The following ASB15 variants were observed in gnomAD, a reference collection of about 807,000 sequenced individuals.
ASB15 encodes the protein ankyrin repeat and SOCS box protein 15.
ASB15 carries 54 observed loss-of-function variants against 58.0 expected under a neutral mutation model. The observed-to-expected ratio is 0.93, with a 90% CI of 0.75 to 1.17. ASB15 has a LOEUF of 1.17. Among genes scored for constraint, ASB15 ranks in the 50% most tolerant of loss-of-function variants. The pLI is 0.00. For missense variants in ASB15, 680 were observed against 707.4 expected, an observed-to-expected ratio of 0.96 and a Z score of 0.44; for synonymous variants, 249 against 262.4, an observed-to-expected ratio of 0.95 and a Z score of 0.50.
In ASB15 at chr7:123,616,351, G is replaced by C. The variant is rs762359482; in HGVS notation, c.161-13G>C. ...AAACAGAGATTAGTCATCAGTCCAT[G>C]TGTTTAATTTAGGTCACATTCCTGA... On this transcript the variant is annotated splice_polypyrimidine_tract_variant and intron_variant, in intron 5 of 11. Coordinates refer to ENST00000451215, the MANE Select transcript of ASB15 (RefSeq NM_001290258.2). The C allele has an allele frequency of 7.5e-6, 12 of 1,610,300 alleles. No homozygotes were observed. The South Asian group carries it at 1.2e-4, about 16-fold the overall frequency.
chr7:123,636,480 A>G (rs1203684912), intron 11 of ASB15, among the ~76,000 whole-genome samples: 1 of 152,166 alleles, frequency 6.6e-6, no homozygotes, highest in African/African-American at 2.4e-5. Flanking sequence ...TATAATACTT[A>G]GCTCTAAAAA....
At chr7:123,586,875 T>A (rs1468203286) in intron 1 of ASB15, among the ~76,000 whole-genome samples, 6 of 151,786 alleles carry the variant, frequency 4.0e-5, no homozygotes, top group Non-Finnish European at 7.4e-5. Flanking sequence ...ATGGGTTTAT[T>A]TCTAGGCTCT....
intron 8 of ASB15, 128 bp from the exon 9 acceptor site, chr7:123,626,982 C>A (rs908709959): frequency 2.2e-6 from 2 of 923,698 alleles, no homozygotes; most frequent in Non-Finnish European, 1.6e-6. Context: ...ATGATCCGCC[C>A]GCCTCAGCCT....
intron 4 of ASB15, chr7:123,615,668 T>A (rs1174864322): frequency 6.6e-6 from 1 of 152,464 alleles, no homozygotes; most frequent in Non-Finnish European, 1.5e-5. Flanking sequence ...ATGCCCTGCC[T>A]ATTTTCACTT....
At chr7:123,610,886 T>G (rs1203919079) in intron 3 of ASB15, among the ~76,000 whole-genome samples, 1 of 151,884 alleles carries the variant, frequency 6.6e-6, no homozygotes, top group Non-Finnish European at 1.5e-5. Context: ...CTCATGCCTG[T>G]AATCCTAGCA....
Position 123,629,387 on chromosome 7 carries a change from G to C in ASB15, c.1393G>C (p.Glu465Gln), listed in dbSNP as rs370567182. Residue 465 changes from glutamate to glutamine, a missense_variant, in exon 10 of 12, where the codon GAA becomes CAA. Transcript: ENST00000451215. ...GNSFVWSEIQ[E>Q]EVLPGWTSCV... ...TTCATTTGTGTGGTCAGAGATACAG[G>C]AAGAGGTGCTGCCAGGATGGACATC... The C allele has an allele frequency of 6.2e-7, 1 of 1,613,626 alleles. No homozygotes were observed. The highest frequency in any genetic ancestry group is 1.1e-5 in the South Asian group (1 of 91,040).
At chr7:123,612,147 CT>C (rs1304462509) in intron 3 of ASB15, 2 of 152,196 alleles carry the variant, frequency 1.3e-5, no homozygotes, top group Non-Finnish European at 2.9e-5. Flanking sequence ...ACAATCCCCC[CT>C]ATCACCCCAG....
chr7:123,597,440 A>C (rs993447819), upstream of ASB15, among the ~76,000 whole-genome samples: 2 of 152,186 alleles, frequency 1.3e-5, no homozygotes, highest in African/African-American at 4.8e-5. Flanking sequence ...TATAAATTAA[A>C]CGTTATCATA....
At chr7:123,605,358 G>C (rs1443692989) in intron 2 of ASB15, among the ~76,000 whole-genome samples, 1 of 152,128 alleles carries the variant, frequency 6.6e-6, no homozygotes, top group Admixed American at 6.5e-5. Context: ...TGCTGGCGAG[G>C]TTATGGAGAA....
chr7:123,593,473 C>T (rs952964344), intron 1 of ASB15, among the ~76,000 whole-genome samples: 8 of 152,136 alleles, frequency 5.3e-5, no homozygotes, highest in Non-Finnish European at 1.2e-4. Context: ...CCTGGTGTGA[C>T]AAAATCTCTC....
chr7:123,609,795 G>A (rs79731085), intron 3 of ASB15, among the ~76,000 whole-genome samples: 3 of 152,182 alleles, frequency 2.0e-5, no homozygotes, highest in African/African-American at 7.2e-5. Flanking sequence ...TTACAGGAAG[G>A]CATTAGCTCT....
chr7:123,599,529 G>C (rs1799806202), upstream of ASB15, among the ~76,000 whole-genome samples: 1 of 152,170 alleles, frequency 6.6e-6, no homozygotes, highest in African/African-American at 2.4e-5. Context: ...AATACCTGTG[G>C]GCAAAGTGAG....
rs1181160907 is a variant in ASB15 at position 123,637,510 on chromosome 7, G to C, written c.*529G>C. On this transcript the variant is annotated 3_prime_UTR_variant, in exon 12 of 12. Coordinates refer to ENST00000451215, the MANE Select transcript of ASB15 (RefSeq NM_001290258.2). ...CCTACAGCATCTAACATTGTTGCCT[G>C]TTCCTTGCTTGAAATGATATCTCTT... is the stretch of plus-strand genomic sequence containing the variant. 6.6e-6 allele frequency: 1 copy of C among 152,610 alleles called. No homozygotes were observed. The highest frequency in any genetic ancestry group is 6.5e-5 in the Admixed American group (1 of 15,272). The allele number at this position is 152,610 out of a possible 1,614,324, so 9.5% of individuals were successfully genotyped here.
Position 123,604,099 on chromosome 7 carries a change from A to G in ASB15, c.-177A>G, listed in dbSNP as rs1800018244. On this transcript the variant is annotated 5_prime_UTR_variant, in exon 2 of 12. Coordinates refer to ENST00000451215, the MANE Select transcript of ASB15 (RefSeq NM_001290258.2). ...GAAGAGCAGTTGTCCAGCCTCTGGA[A>G]GAAAAAGCTCAGTGGAGATCTGACA... 6.6e-6 allele frequency: 1 copy of G among 152,382 alleles called. No homozygotes were observed. Among genetic ancestry groups the G allele is most frequent in the Non-Finnish European group, 1.5e-5 (1 of 68,180 alleles). The allele number at this position is 152,382 out of a possible 1,614,324, so 9.4% of individuals were successfully genotyped here. A position where few individuals can be genotyped will look rare whatever the true frequency, so the allele number is the denominator to read the frequency against.
intron 1 of ASB15, among the ~76,000 whole-genome samples, chr7:123,603,425 C>G (rs1425958031): frequency 6.6e-6 from 1 of 152,142 alleles, no homozygotes; most frequent in Non-Finnish European, 1.5e-5. Flanking sequence ...TGTATTACAA[C>G]AAGGTATTTG....
rs1802466612 is a variant in ASB15, at chr7:123,637,048, A to C, written c.*67A>C. 9.2e-7 allele frequency: 1 copy of C among 1,090,806 alleles called. No individual in the cohort carries two copies. The highest frequency in any genetic ancestry group is 2.4e-5 in the Admixed American group (1 of 40,944). 67.6% of individuals were successfully genotyped at this position (1,090,806 alleles called of 1,614,324 possible). A position where few individuals can be genotyped will look rare whatever the true frequency, so the allele number is the denominator to read the frequency against. Reference sequence around the variant, plus strand: ...TGATTCCCTCAGATAATTTCTTGTAACCATTTTACATCCTTAATTGTAAAG... The same window carrying C: ...TGATTCCCTCAGATAATTTCTTGTACCCATTTTACATCCTTAATTGTAAAG... On this transcript the variant is annotated 3_prime_UTR_variant, in exon 12 of 12. Transcript: ENST00000451215.
chr7:123,579,871 T>C (rs1452837095), intron 1 of ASB15, among the ~76,000 whole-genome samples: 1 of 152,114 alleles, frequency 6.6e-6, no homozygotes, highest in African/African-American at 2.4e-5. Flanking sequence ...ACTGCAGGTT[T>C]CTCTTGCCAT....
chr7:123,625,079 G>C (rs941811513), intron 8 of ASB15: 5 of 384,900 alleles, frequency 1.3e-5, no homozygotes, highest in African/African-American at 4.0e-5. Context: ...GCACATAGAT[G>C]GCCCATCAGG....
Position 123,601,856 on chromosome 7 carries a change from T to C in ASB15, c.-303T>C, listed in dbSNP as rs567635320. ...AAGCACACATTGGCTCCAGGGCACT[T>C]CCTCTGATTTAGGAAGGCAAGTCCC... On this transcript the variant is annotated 5_prime_UTR_variant, in exon 1 of 12. Transcript: ENST00000451215. 2 of 152,270 alleles carry C rather than the reference T, an allele frequency of 1.3e-5. No homozygotes were observed. The highest frequency in any genetic ancestry group is 3.9e-4 in the East Asian group (2 of 5,184). 9.4% of individuals were successfully genotyped at this position (152,270 alleles called of 1,614,324 possible). A position where few individuals can be genotyped will look rare whatever the true frequency, so the allele number is the denominator to read the frequency against.
Sources: allele counts gnomAD v4.1 joint callset (sites outside exome capture counted in the v4.1 genomes callset), GRCh38; gene constraint gnomAD v4.1.1; transcripts MANE v1.5; gene names NCBI Gene and HGNC (gene_info 2026-07-23, HGNC 2026-07-21).